Variants in EFNA5 observed in about 807,000 individuals in gnomAD.
EFNA5 encodes the protein ephrin-A5.
EFNA5 carries 5 observed loss-of-function variants against 22.9 expected under a neutral mutation model. The ratio of observed to expected loss-of-function variants is 0.22; its 90% CI spans 0.11 to 0.46. The LOEUF is 0.46. Ranked by LOEUF, EFNA5 falls within the 20% of genes least tolerant of loss-of-function variation. The probability of loss-of-function intolerance (pLI) is 0.99; values close to 1 mark genes in which losing one functional copy is unlikely to be tolerated. For missense variants in EFNA5, 237 were observed against 293.3 expected (o/e 0.81, Z 1.40); for synonymous variants, 113 against 112.2 (o/e 1.01, Z -0.04).
At chr5:107,614,980 C>T (rs554204167) in intron 1 of EFNA5, among the ~76,000 whole-genome samples, 12 of 152,048 alleles carry the variant, frequency 7.9e-5, no homozygotes, top group African/African-American at 2.9e-4. Flanking sequence ...CTATTTTAAA[C>T]AAATTATTTA....
chr5:107,381,442 C>A, intron 4 of EFNA5, 66 bp from the exon 5 acceptor site: 1 of 1,534,908 alleles, frequency 6.5e-7, no homozygotes, highest in East Asian at 2.3e-5. Context: ...TTGCAGCAGC[C>A]TGCTGTTAAC....
At chr5:107,572,089 C>T (rs186777011) in intron 1 of EFNA5, among the ~76,000 whole-genome samples, 3 of 152,206 alleles carry the variant, frequency 2.0e-5, no homozygotes, top group Non-Finnish European at 4.4e-5. Flanking sequence ...CTTCTGGAGT[C>T]TAATCTTGAG....
intron 1 of EFNA5, among the ~76,000 whole-genome samples, chr5:107,590,057 G>A (rs1749284969): frequency 6.6e-6 from 1 of 151,608 alleles, no homozygotes; most frequent in Admixed American, 6.6e-5. Flanking sequence ...ACTCTCATTG[G>A]AGACGGTGAT....
At chr5:107,431,799 A>G (rs1415940767) in intron 1 of EFNA5, among the ~76,000 whole-genome samples, 1 of 152,190 alleles carries the variant, frequency 6.6e-6, no homozygotes, top group Non-Finnish European at 1.5e-5. Flanking sequence ...AGGATCTGCT[A>G]TGGGCTTTAC....
At chr5:107,468,392 A>G (rs1051128655) in intron 1 of EFNA5, among the ~76,000 whole-genome samples, 2 of 152,202 alleles carry the variant, frequency 1.3e-5, no homozygotes, top group Admixed American at 6.5e-5. Flanking sequence ...ATAAGAAATA[A>G]AGCTAATGAG....
chr5:107,610,946 G>A (rs959145296), intron 1 of EFNA5, among the ~76,000 whole-genome samples: 1 of 152,038 alleles, frequency 6.6e-6, no homozygotes, highest in African/African-American at 2.4e-5. Context: ...GCTGAGCCTC[G>A]CGTGCCAAGA....
chr5:107,624,981 T>G (rs182449075), intron 1 of EFNA5, among the ~76,000 whole-genome samples: 5 of 152,276 alleles, frequency 3.3e-5, no homozygotes, highest in Admixed American at 3.3e-4. Context: ...AACTTTAACA[T>G]TCCTGTAGCT....
At chr5:107,439,271 G>A (rs1028782511) in intron 1 of EFNA5, among the ~76,000 whole-genome samples, 2 of 152,134 alleles carry the variant, frequency 1.3e-5, no homozygotes, top group Non-Finnish European at 2.9e-5. Context: ...TGCCCCAAGA[G>A]AGCCCCCCAC....
intron 1 of EFNA5, among the ~76,000 whole-genome samples, chr5:107,432,148 A>T (rs935744503): frequency 2.0e-5 from 3 of 152,214 alleles, no homozygotes; most frequent in Non-Finnish European, 4.4e-5. Flanking sequence ...CTAAACTGGA[A>T]AGCTGAGGGG....
At chr5:107,540,271 AAT>A (rs1427929921) in intron 1 of EFNA5, among the ~76,000 whole-genome samples, 1 of 152,236 alleles carries the variant, frequency 6.6e-6, no homozygotes, top group African/African-American at 2.4e-5. Flanking sequence ...GGAAGCACAA[AAT>A]AGTTATTCTA....
rs75411236 is a variant in EFNA5 at position 107,590,770 on chromosome 5, A to G, written c.125+79719T>C. 2.1e-3 allele frequency among the ~76,000 whole-genome samples: 324 copies of G among 152,286 alleles called. 2 individuals are homozygous for G. The highest frequency in any genetic ancestry group is 7.0e-3 in the African/African-American group (292 of 41,574). On this transcript the variant is annotated intron_variant, in intron 1 of 4. Transcript: ENST00000333274. ...AATCTTACTTGTTCCATAGTCATAA[A>G]GCTGGACAAAACTCACTGCAACCAC... is the stretch of plus-strand genomic sequence containing the variant.
intron 1 of EFNA5, among the ~76,000 whole-genome samples, chr5:107,557,518 AT>A (rs1177986554): frequency 6.6e-6 from 1 of 152,170 alleles, no homozygotes; most frequent in Non-Finnish European, 1.5e-5. Context: ...GGTAAAAGCT[AT>A]TTTTGTTTCC....
intron 1 of EFNA5, among the ~76,000 whole-genome samples, chr5:107,493,038 T>G (rs933104584): frequency 6.6e-6 from 1 of 151,938 alleles, no homozygotes; most frequent in African/African-American, 2.4e-5. Context: ...TTGTAAGATT[T>G]TTTTTCAACA....
chr5:107,541,202 AATT>A (rs1748040123), intron 1 of EFNA5, among the ~76,000 whole-genome samples: 1 of 152,176 alleles, frequency 6.6e-6, no homozygotes, highest in Non-Finnish European at 1.5e-5. Context: ...GATGAAAATT[AATT>A]ATTAATATAA....
chr5:107,520,513 G>A (rs1285955123), intron 1 of EFNA5, among the ~76,000 whole-genome samples: 2 of 152,164 alleles, frequency 1.3e-5, no homozygotes, highest in Admixed American at 1.3e-4. Flanking sequence ...ACAAAATGTT[G>A]AGCATCTATT....
chr5:107,543,709 T>C (rs1580521898), intron 1 of EFNA5, among the ~76,000 whole-genome samples: 2 of 151,296 alleles, frequency 1.3e-5, no homozygotes, highest in Admixed American at 1.3e-4. Context: ...AAGTATAATT[T>C]AAAAAAAAAA....
At chr5:107,434,418 A>G (rs1425637143) in intron 1 of EFNA5, among the ~76,000 whole-genome samples, 1 of 152,228 alleles carries the variant, frequency 6.6e-6, no homozygotes, top group Admixed American at 6.5e-5. Flanking sequence ...GCAGAGGAGC[A>G]GCACCATAAT....
intron 2 of EFNA5, among the ~76,000 whole-genome samples, chr5:107,402,372 T>C (rs2112390629): frequency 6.6e-6 from 1 of 152,326 alleles, no homozygotes; most frequent in Non-Finnish European, 1.5e-5. Flanking sequence ...AACAAAATCA[T>C]GCAGGTAAAT....
chr5:107,569,543 GTGTGTATATATATATTTATATATATATA>G (rs1561435902), intron 1 of EFNA5, among the ~76,000 whole-genome samples: 11 of 113,692 alleles, frequency 9.7e-5, no homozygotes, highest in African/African-American at 3.0e-4. Context: ...ATATATATAT[GTGTGTATATATATATTTATATATATATA>G]TATATATATA....
Sources: allele counts gnomAD v4.1 joint callset (sites outside exome capture counted in the v4.1 genomes callset), GRCh38; gene constraint gnomAD v4.1.1; transcripts MANE v1.5; gene names NCBI Gene and HGNC (gene_info 2026-07-23, HGNC 2026-07-21).